The following RBFOX3 variants were observed in gnomAD, a reference collection of about 807,000 sequenced individuals.
The protein encoded by RBFOX3 is RNA binding fox-1 homolog 3.
Under a neutral mutation model 48.7 loss-of-function variants are expected in RBFOX3, and 17 were observed. That is an observed-to-expected ratio of 0.35 (90% CI 0.24 to 0.52). The LOEUF (loss-of-function observed/expected upper bound fraction) is 0.52. Ranked by LOEUF, RBFOX3 falls within the 20% of genes least tolerant of loss-of-function variation. The pLI, the probability that RBFOX3 is intolerant of heterozygous loss-of-function variation, is 0.94. For missense variants in RBFOX3, 382 were observed against 497.5 expected (o/e 0.77, Z 2.21); for synonymous variants, 212 against 209.5 (o/e 1.01, Z -0.10).
At chr17:79,167,651 C>G (rs929389271) in intron 4 of RBFOX3, among the ~76,000 whole-genome samples, 1 of 152,202 alleles carries the variant, frequency 6.6e-6, no homozygotes, top group Non-Finnish European at 1.5e-5. Context: ...TGCCTGCCCC[C>G]GCAGAGGAAG....
At position 79,266,416 on chromosome 17, in the gene RBFOX3, C is replaced by T. The variant is rs115823636; in HGVS notation, c.-73-30611G>A. ...CTCATCCAGCTGTGCTTTCTGTGTT[C>T]TGTTGGGACTGTTCCTTTTCTTAGG... On this transcript the variant is annotated intron_variant, in intron 3 of 14. Transcript: ENST00000693108. Among the ~76,000 whole-genome samples, 887 of 152,294 alleles carry T rather than the reference C, an allele frequency of 5.8e-3. 10 individuals are homozygous for T. The highest frequency in any genetic ancestry group is 0.021 in the African/African-American group (852 of 41,548).
chr17:79,117,596 T>C (rs992543878), intron 4 of RBFOX3, among the ~76,000 whole-genome samples: 1 of 152,166 alleles, frequency 6.6e-6, no homozygotes, highest in African/African-American at 2.4e-5. Context: ...GTGCCTCCCC[T>C]GGCTAAGGAG....
intron 2 of RBFOX3, among the ~76,000 whole-genome samples, chr17:79,472,710 C>T (rs2077201595): frequency 6.6e-6 from 1 of 152,206 alleles, no homozygotes. Flanking sequence ...CGACCACACA[C>T]CTCCCACATC....
At chr17:79,516,918 C>T (rs1372534404) in intron 1 of RBFOX3, among the ~76,000 whole-genome samples, 3 of 151,974 alleles carry the variant, frequency 2.0e-5, no homozygotes, top group Non-Finnish European at 4.4e-5. Context: ...GTCCACCCCT[C>T]GGGGAGTCAT....
At chr17:79,224,089 T>C (rs888252216) in intron 4 of RBFOX3, among the ~76,000 whole-genome samples, 32 of 152,112 alleles carry the variant, frequency 2.1e-4, no homozygotes, top group Admixed American at 2.1e-3. Context: ...GATTCTTCTT[T>C]CCCAAACAGT....
intron 2 of RBFOX3, among the ~76,000 whole-genome samples, chr17:79,419,498 T>TGTACACACACGTGTGCAC (rs1303933114): frequency 3.3e-5 from 5 of 152,344 alleles, no homozygotes; most frequent in African/African-American, 1.2e-4. Flanking sequence ...CCTGTGTGCA[T>TGTACACACACGTGTGCAC]GTACACACAC....
At chr17:79,124,908 C>T (rs911184940) in intron 4 of RBFOX3, among the ~76,000 whole-genome samples, 2 of 151,426 alleles carry the variant, frequency 1.3e-5, no homozygotes, top group East Asian at 3.9e-4. Context: ...CCATGGTGGA[C>T]TGACCTTGTC....
chr17:79,091,112 G>A (rs1479775036), intron 14 of RBFOX3, among the ~76,000 whole-genome samples: 1 of 152,258 alleles, frequency 6.6e-6, no homozygotes, highest in Admixed American at 6.5e-5. Context: ...GCCCTGAGGA[G>A]GAGACAGAGC....
At chr17:79,284,619 A>G (rs536568163) in intron 3 of RBFOX3, among the ~76,000 whole-genome samples, 1 of 149,748 alleles carries the variant, frequency 6.7e-6, no homozygotes, top group South Asian at 2.1e-4. Flanking sequence ...GACTTACTGC[A>G]ACCTCTGCCT....
intron 1 of RBFOX3, among the ~76,000 whole-genome samples, chr17:79,494,416 A>G (rs1267901184): frequency 1.3e-5 from 2 of 152,240 alleles, no homozygotes; most frequent in Non-Finnish European, 2.9e-5. Flanking sequence ...CTTGCCTGTA[A>G]GCAGGACTGC....
At chr17:79,555,230 C>A (rs1201221626) in intron 1 of RBFOX3, among the ~76,000 whole-genome samples, 2 of 152,170 alleles carry the variant, frequency 1.3e-5, no homozygotes, top group Admixed American at 6.5e-5. Flanking sequence ...AATGCCTGGC[C>A]CATGGTAAGC....
At chr17:79,497,717 T>C (rs939910724) in intron 1 of RBFOX3, among the ~76,000 whole-genome samples, 1 of 152,210 alleles carries the variant, frequency 6.6e-6, no homozygotes, top group Non-Finnish European at 1.5e-5. Flanking sequence ...TACACAAGGC[T>C]GGTGGTACTG....
intron 5 of RBFOX3, among the ~76,000 whole-genome samples, chr17:79,112,734 C>T (rs1003797866): frequency 6.6e-6 from 1 of 152,062 alleles, no homozygotes; most frequent in Non-Finnish European, 1.5e-5. Flanking sequence ...TCCCCCTCTC[C>T]ACTGCCCTGG....
chr17:79,266,539 G>A (rs562781457), intron 3 of RBFOX3, among the ~76,000 whole-genome samples: 15 of 152,212 alleles, frequency 9.9e-5, no homozygotes, highest in Admixed American at 5.9e-4. Flanking sequence ...TTCCCAACGC[G>A]GAGCTCCCGA....
At chr17:79,295,593 G>A (rs1357480432) in intron 3 of RBFOX3, among the ~76,000 whole-genome samples, 1 of 152,214 alleles carries the variant, frequency 6.6e-6, no homozygotes, top group Admixed American at 6.5e-5. Flanking sequence ...CTGATGGAAA[G>A]ATCAGAAGTT....
At chr17:79,604,016 G>T in intron 1 of RBFOX3, 1 of 152,440 alleles carries the variant, frequency 6.6e-6, no homozygotes, top group Middle Eastern at 3.4e-3. Flanking sequence ...TGTGCGGCCG[G>T]CCCTGATGGG....
intron 4 of RBFOX3, among the ~76,000 whole-genome samples, chr17:79,185,691 T>C (rs2053262720): frequency 2.0e-5 from 3 of 152,176 alleles, no homozygotes; most frequent in African/African-American, 7.2e-5. Context: ...AATTTGCCAT[T>C]ATGACCATTA....
At chr17:79,297,893 A>AAAT (rs2074654470) in intron 3 of RBFOX3, among the ~76,000 whole-genome samples, 1 of 152,230 alleles carries the variant, frequency 6.6e-6, no homozygotes, top group African/African-American at 2.4e-5. Context: ...CCAAATGGTC[A>AAAT]AATAATAATA....
At chr17:79,664,452 T>C in the RBFOX3 span, among the ~76,000 whole-genome samples, 1 of 151,996 alleles carries the variant, frequency 6.6e-6, no homozygotes, top group South Asian at 2.1e-4. Context: ...GTTCACGCCA[T>C]TCTCCTGCCT....
Sources: allele counts gnomAD v4.1 joint callset (sites outside exome capture counted in the v4.1 genomes callset), GRCh38; gene constraint gnomAD v4.1.1; transcripts MANE v1.5; gene names NCBI Gene and HGNC (gene_info 2026-07-23, HGNC 2026-07-21).